Variants in RALGAPA2 observed in about 807,000 individuals in gnomAD.
RALGAPA2 encodes Ral GTPase activating protein catalytic subunit alpha 2.
Under a neutral mutation model 230.4 loss-of-function variants are expected in RALGAPA2, and 139 were observed. The observed-to-expected ratio is 0.60, with a 90% confidence interval of 0.53 to 0.69. The LOEUF is 0.69. Among genes scored for constraint, RALGAPA2 ranks in the 30% least tolerant of loss-of-function variants. The pLI is 0.00. For synonymous variants in RALGAPA2, 847 were observed against 837.8 expected (o/e 1.01, Z -0.19); for missense variants, 2,163 against 2,276.0 (o/e 0.95, Z 1.01).
At chr20:20,456,055 T>C (rs752482073) in intron 37 of RALGAPA2, among the ~76,000 whole-genome samples, 11 of 152,234 alleles carry the variant, frequency 7.2e-5, no homozygotes, top group South Asian at 4.1e-4. Context: ...GTGAACTCTA[T>C]TGCTTTCATG....
intron 24 of RALGAPA2, among the ~76,000 whole-genome samples, chr20:20,540,518 AC>A (rs1247114442): frequency 1.3e-5 from 2 of 152,334 alleles, no homozygotes; most frequent in Middle Eastern, 3.4e-3. Flanking sequence ...AAAGAACATA[AC>A]ACTTTTTTCT....
At chr20:20,632,952 T>C (rs192001713) in intron 9 of RALGAPA2, among the ~76,000 whole-genome samples, 3 of 152,040 alleles carry the variant, frequency 2.0e-5, no homozygotes, top group Admixed American at 2.0e-4. Flanking sequence ...TAAAAATCTT[T>C]CACTTTTTTT....
intron 1 of RALGAPA2, among the ~76,000 whole-genome samples, chr20:20,685,054 G>A (rs566518244): frequency 6.6e-6 from 1 of 151,154 alleles, no homozygotes; most frequent in Non-Finnish European, 1.5e-5. Flanking sequence ...CACAAGAAAG[G>A]ATCAAAAGCC....
At chr20:20,527,197 C>T (rs755222178) in intron 27 of RALGAPA2, among the ~76,000 whole-genome samples, 1 of 152,158 alleles carries the variant, frequency 6.6e-6, no homozygotes, top group Non-Finnish European at 1.5e-5. Flanking sequence ...CTCTAAGCCA[C>T]ATGAAGCAGA....
chr20:20,486,439 G>A (rs1029520692), intron 36 of RALGAPA2, among the ~76,000 whole-genome samples: 9 of 151,838 alleles, frequency 5.9e-5, no homozygotes, highest in East Asian at 3.9e-4. Context: ...CTTCTTGATC[G>A]CTCAGTTTCT....
intron 37 of RALGAPA2, among the ~76,000 whole-genome samples, chr20:20,450,316 T>C (rs1361533355): frequency 6.6e-6 from 1 of 152,226 alleles, no homozygotes; most frequent in African/African-American, 2.4e-5. Flanking sequence ...GGAAGCTACA[T>C]GTATTTAGGT....
At chr20:20,443,646 T>C (rs2060792854) in intron 37 of RALGAPA2, among the ~76,000 whole-genome samples, 1 of 152,242 alleles carries the variant, frequency 6.6e-6, no homozygotes, top group African/African-American at 2.4e-5. Context: ...GGAGTCCAGC[T>C]TTGTGGTCAG....
chr20:20,455,894 A>T (rs2061105075), intron 37 of RALGAPA2, among the ~76,000 whole-genome samples: 1 of 152,234 alleles, frequency 6.6e-6, no homozygotes, highest in Admixed American at 6.5e-5. Context: ...TACAATTATG[A>T]GGTACATCAA....
intron 24 of RALGAPA2, among the ~76,000 whole-genome samples, chr20:20,543,548 C>A (rs866296398): frequency 6.6e-6 from 1 of 152,038 alleles, no homozygotes; most frequent in Admixed American, 6.5e-5. Flanking sequence ...TACTATGCAG[C>A]CATAAAAAAG....
At chr20:20,624,156 G>A (rs1279490159) in intron 10 of RALGAPA2, among the ~76,000 whole-genome samples, 4 of 151,842 alleles carry the variant, frequency 2.6e-5, no homozygotes, top group East Asian at 1.9e-4. Flanking sequence ...GCGAAACCCC[G>A]TCTCTACTAA....
chr20:20,694,773 A>G (rs2069046657), intron 1 of RALGAPA2, among the ~76,000 whole-genome samples: 1 of 152,202 alleles, frequency 6.6e-6, no homozygotes, highest in Non-Finnish European at 1.5e-5. Flanking sequence ...TGTGTAAGCG[A>G]GGCAGGTGCA....
intron 7 of RALGAPA2, among the ~76,000 whole-genome samples, chr20:20,638,597 C>T (rs2066933495): frequency 6.6e-6 from 1 of 152,156 alleles, no homozygotes; most frequent in Admixed American, 6.5e-5. Flanking sequence ...TAGTGACACA[C>T]CTAGAATGAG....
At chr20:20,518,350 C>T (rs895705476) in intron 31 of RALGAPA2, among the ~76,000 whole-genome samples, 3 of 152,172 alleles carry the variant, frequency 2.0e-5, no homozygotes, top group African/African-American at 4.8e-5. Context: ...CCACCACGCC[C>T]GGCCACCCTG....
At chr20:20,663,498 C>T (rs761092374) in intron 3 of RALGAPA2, among the ~76,000 whole-genome samples, 1 of 152,112 alleles carries the variant, frequency 6.6e-6, no homozygotes, top group African/African-American at 2.4e-5. Context: ...AAGTCAAGAA[C>T]GCTCACCTTT....
chr20:20,432,470 T>C (rs1182665176), intron 37 of RALGAPA2, among the ~76,000 whole-genome samples: 1 of 152,210 alleles, frequency 6.6e-6, no homozygotes, highest in African/African-American at 2.4e-5. Flanking sequence ...TAATGAGCTT[T>C]TGGATTTTTT....
chr20:20,576,560 T>G (rs1343743536), intron 20 of RALGAPA2, among the ~76,000 whole-genome samples: 1 of 152,166 alleles, frequency 6.6e-6, no homozygotes, highest in African/African-American at 2.4e-5. Context: ...ATCTCATTTA[T>G]TATTGCTTTA....
chr20:20,509,996 T>C (rs1042279164), intron 33 of RALGAPA2, among the ~76,000 whole-genome samples: 1 of 152,178 alleles, frequency 6.6e-6, no homozygotes, highest in African/African-American at 2.4e-5. Context: ...GAAGGTGATA[T>C]GCAAATAATA....
chr20:20,659,503 T>C lies in RALGAPA2; in HGVS notation c.271-5916A>G, dbSNP rs553358597. ...CCCTTCTTCAATATATCCTACACAA[T>C]TCATATTCCAGAAAATATACAGATT... is the stretch of plus-strand genomic sequence containing the variant. On this transcript the variant is annotated intron_variant, in intron 3 of 39. Transcript: ENST00000202677. Among the ~76,000 whole-genome samples, 3 of 152,324 alleles carry C rather than the reference T, an allele frequency of 2.0e-5. No homozygotes were observed. In the East Asian group the frequency reaches 5.8e-4, roughly 29 times the overall value.
rs1192384612 is a variant in RALGAPA2 at position 20,583,125 on chromosome 20, G to C, written c.2632C>G (p.Pro878Ala). 1 of 1,613,584 alleles carries C rather than the reference G, an allele frequency of 6.2e-7. No homozygotes were observed. Among genetic ancestry groups the C allele is most frequent in the African/African-American group, 1.3e-5 (1 of 74,876 alleles). The change falls in exon 20 of 40, where the codon CCC (proline) becomes GCC (alanine). Residue 878 changes from proline to alanine, a missense_variant. Coordinates refer to ENST00000202677, the MANE Select transcript of RALGAPA2 (RefSeq NM_020343.4). Reference protein sequence around the residue: ...TCEEDPELNTPTDVVADADAR... With the variant: ...TCEEDPELNTATDVVADADAR... ...TCAGCATCAGCCACAACATCTGTGGGAGTATTCAGTTCTGGGTCTTCCTCA... is the reference window on the plus strand; with the variant it reads ...TCAGCATCAGCCACAACATCTGTGGCAGTATTCAGTTCTGGGTCTTCCTCA...
Sources: gnomAD v4.1 joint callset for allele counts (sites outside exome capture counted in the v4.1 genomes callset) on GRCh38, gnomAD v4.1.1 for gene constraint, MANE v1.5 for transcripts, NCBI Gene and HGNC (gene_info 2026-07-23, HGNC 2026-07-21) for gene names.